AUTS2: variants seen among roughly 807,000 people sequenced by gnomAD.
AUTS2 encodes activator of transcription and developmental regulator AUTS2.
In AUTS2, 17 loss-of-function variants were observed where a neutral mutation model predicts 112.4. That is an observed-to-expected ratio of 0.15 (90% CI 0.10 to 0.23). AUTS2 has a LOEUF of 0.23. AUTS2 is among the 10% of genes least tolerant of loss of function. The pLI, the probability that AUTS2 is intolerant of heterozygous loss-of-function variation, is 1.00. For missense variants in AUTS2, 1,510 were observed against 1,701.6 expected, an observed-to-expected ratio of 0.89 and a Z score of 1.98; for synonymous variants, 751 against 702.7, an observed-to-expected ratio of 1.07 and a Z score of -1.09.
intron 1 of AUTS2, among the ~76,000 whole-genome samples, chr7:69,865,918 T>C (rs1793205807): frequency 6.6e-6 from 1 of 152,238 alleles, no homozygotes; most frequent in African/African-American, 2.4e-5. Flanking sequence ...CCTTACCTTT[T>C]ATAATGGTGC....
At chr7:69,634,635 G>A (rs1448948469) in intron 1 of AUTS2, among the ~76,000 whole-genome samples, 1 of 152,188 alleles carries the variant, frequency 6.6e-6, no homozygotes. Context: ...TGCTATATTG[G>A]ATGTAAACCT....
intron 6 of AUTS2, among the ~76,000 whole-genome samples, chr7:70,731,154 T>C (rs567367981): frequency 1.3e-5 from 2 of 152,290 alleles, no homozygotes; most frequent in South Asian, 4.1e-4. Context: ...ACCTTTACTC[T>C]TAAAATGATG....
intron 1 of AUTS2, among the ~76,000 whole-genome samples, chr7:69,844,562 T>C (rs1051950973): frequency 6.6e-6 from 1 of 152,118 alleles, no homozygotes; most frequent in Admixed American, 6.6e-5. Flanking sequence ...TAATATATAT[T>C]TTATACTCAT....
At chr7:69,650,943 G>T (rs1013893575) in intron 1 of AUTS2, among the ~76,000 whole-genome samples, 16 of 152,184 alleles carry the variant, frequency 1.1e-4, no homozygotes, top group Admixed American at 1.0e-3. Flanking sequence ...TGCTTTGAGG[G>T]CCCGGATCTG....
chr7:69,736,395 C>T (rs901502230), intron 1 of AUTS2, among the ~76,000 whole-genome samples: 12 of 152,138 alleles, frequency 7.9e-5, no homozygotes, highest in Admixed American at 1.3e-4. Flanking sequence ...GATTTTCAGC[C>T]GGGATGTGCT....
chr7:69,859,756 C>T (rs1297686595), intron 1 of AUTS2, among the ~76,000 whole-genome samples: 1 of 152,114 alleles, frequency 6.6e-6, no homozygotes, highest in Non-Finnish European at 1.5e-5. Flanking sequence ...AGTTGCTCTG[C>T]TAAAATCCTC....
chr7:70,707,118 T>C (rs372167256), intron 6 of AUTS2, among the ~76,000 whole-genome samples: 11 of 152,220 alleles, frequency 7.2e-5, no homozygotes, highest in African/African-American at 2.7e-4. Flanking sequence ...CCTTGTACCA[T>C]ATTTTGATCT....
intron 1 of AUTS2, 152 bp from the exon 2 acceptor site, chr7:69,899,134 C>A: frequency 1.6e-6 from 1 of 611,144 alleles, no homozygotes; most frequent in Non-Finnish European, 2.9e-6. Context: ...ATTGAGAAGC[C>A]ATGTTTCTTA....
intron 4 of AUTS2, among the ~76,000 whole-genome samples, chr7:70,408,992 G>A (rs966421271): frequency 2.6e-5 from 4 of 152,170 alleles, no homozygotes; most frequent in Non-Finnish European, 5.9e-5. Context: ...AATCTATCCA[G>A]GTTGGTTCTG....
At chr7:69,622,865 C>T (rs1793740479) in intron 1 of AUTS2, among the ~76,000 whole-genome samples, 2 of 152,156 alleles carry the variant, frequency 1.3e-5, no homozygotes, top group Admixed American at 6.5e-5. Flanking sequence ...TACACTTTTT[C>T]CCTAAAGGAA....
chr7:70,290,101 G>T lies in AUTS2; in HGVS notation c.661-145651G>T, dbSNP rs532687282. Among the ~76,000 whole-genome samples the T allele has an allele frequency of 2.0e-5, 3 of 152,304 alleles. No homozygotes were observed. The East Asian group carries it at 5.8e-4, about 29-fold the overall frequency. On this transcript the variant is annotated intron_variant, in intron 4 of 18. Transcript: ENST00000342771. ...GCAATTTGTGAAAAATCTTGTGTATGAAGAGTCATGATGTAGAACATTCAA... is the reference window on the plus strand; with the variant it reads ...GCAATTTGTGAAAAATCTTGTGTATTAAGAGTCATGATGTAGAACATTCAA...
intron 1 of AUTS2, among the ~76,000 whole-genome samples, chr7:69,787,474 C>T (rs1374625321): frequency 6.6e-6 from 1 of 152,202 alleles, no homozygotes; most frequent in African/African-American, 2.4e-5. Context: ...GAGGAATCTG[C>T]CACCTTGTGT....
intron 4 of AUTS2, among the ~76,000 whole-genome samples, chr7:70,336,500 G>A (rs1185959477): frequency 6.6e-6 from 1 of 152,198 alleles, no homozygotes; most frequent in African/African-American, 2.4e-5. Context: ...GAATACAAAA[G>A]CTGATGCCTG....
chr7:70,364,537 G>A lies in AUTS2; in HGVS notation c.661-71215G>A, dbSNP rs550811595. On this transcript the variant is annotated intron_variant, in intron 4 of 18. Transcript: ENST00000342771. The stretch of plus-strand genomic sequence containing the variant: ...GCCAGGATCACGCCACTGCACTCCA[G>A]CCTGGTGACAAAGCAAGACTCTGTC... 2.0e-5 allele frequency among the ~76,000 whole-genome samples: 3 copies of A among 150,762 alleles called. No individual in the cohort carries two copies. The East Asian group carries it at 5.9e-4, about 29-fold the overall frequency.
chr7:69,919,966 A>G (rs1795743217), intron 2 of AUTS2, among the ~76,000 whole-genome samples: 1 of 151,008 alleles, frequency 6.6e-6, no homozygotes, highest in South Asian at 2.1e-4. Context: ...CAGTGGGTAC[A>G]TTAGATTGAA....
intron 5 of AUTS2, among the ~76,000 whole-genome samples, chr7:70,628,843 G>A (rs149544163): frequency 3.3e-5 from 5 of 152,220 alleles, no homozygotes; most frequent in Non-Finnish European, 2.9e-5. Flanking sequence ...ACCTCTGGGC[G>A]CCATTTCTGA....
chr7:69,687,036 T>A (rs2533431), intron 1 of AUTS2, among the ~76,000 whole-genome samples: 93,511 of 152,090 alleles, frequency 0.61, 29,067 homozygotes, highest in East Asian at 0.7. Flanking sequence ...ACAAGTACTC[T>A]TTTTGGAGTT....
At chr7:69,723,173 A>T (rs1327903406) in intron 1 of AUTS2, among the ~76,000 whole-genome samples, 5 of 150,890 alleles carry the variant, frequency 3.3e-5, no homozygotes, top group African/African-American at 1.2e-4. Context: ...CCAGTGTAGG[A>T]CTCTCCCACT....
chr7:70,708,122 CCT>C (rs1382932689), intron 6 of AUTS2, among the ~76,000 whole-genome samples: 2 of 152,152 alleles, frequency 1.3e-5, no homozygotes, highest in African/African-American at 4.8e-5. Context: ...ACATTTTCCC[CCT>C]CTTATCTATC....
Sources: gnomAD v4.1 joint callset for allele counts (sites outside exome capture counted in the v4.1 genomes callset) on GRCh38, gnomAD v4.1.1 for gene constraint, MANE v1.5 for transcripts, NCBI Gene and HGNC (gene_info 2026-07-23, HGNC 2026-07-21) for gene names.